The following TRIM49 variants were observed in gnomAD, a reference collection of about 807,000 sequenced individuals.
The protein encoded by TRIM49 is tripartite motif-containing protein 49.
In TRIM49, 5 loss-of-function variants were observed where a neutral mutation model predicts 27.4. The ratio of observed to expected loss-of-function variants is 0.18; its 90% CI spans 0.10 to 0.38. The LOEUF is 0.38. Ranked by LOEUF, TRIM49 falls within the 10% of genes least tolerant of loss-of-function variation. The probability of loss-of-function intolerance (pLI) is 1.00; values close to 1 mark genes in which losing one functional copy is unlikely to be tolerated. For missense variants in TRIM49, 188 were observed against 487.5 expected, an observed-to-expected ratio of 0.39 and a Z score of 5.79; for synonymous variants, 69 against 166.0, an observed-to-expected ratio of 0.42 and a Z score of 4.49.
chr11:89,791,308 G>A, the TRIM49 span, among the ~76,000 whole-genome samples: 95 of 152,280 alleles, frequency 6.2e-4, no homozygotes, highest in Non-Finnish European at 8.7e-4. Flanking sequence ...ATACGAGTTG[G>A]AAAACACTCT....
chr11:89,800,080 A>G (rs1447181215), intron 6 of TRIM49, among the ~76,000 whole-genome samples: 2 of 150,572 alleles, frequency 1.3e-5, no homozygotes, highest in Non-Finnish European at 2.9e-5. Flanking sequence ...GGCCTTGAGA[A>G]TATTTAGAAA....
At chr11:89,776,619 T>TACA in the TRIM49 span, among the ~76,000 whole-genome samples, 1 of 150,992 alleles carries the variant, frequency 6.6e-6, no homozygotes, top group Non-Finnish European at 1.5e-5. Context: ...CAAGTATTTA[T>TACA]ACAACATTTA....
At chr11:89,791,662 G>A in the TRIM49 span, among the ~76,000 whole-genome samples, 1 of 151,758 alleles carries the variant, frequency 6.6e-6, no homozygotes, top group African/African-American at 2.4e-5. Context: ...AAGTGAAGGA[G>A]AAATAAACTC....
intron 1 of TRIM49, among the ~76,000 whole-genome samples, chr11:89,807,614 C>A (rs1166001267): frequency 6.6e-6 from 1 of 150,842 alleles, no homozygotes; most frequent in African/African-American, 2.5e-5. Flanking sequence ...TAGCTCCCTG[C>A]AGCCTTGAAT....
In TRIM49 at chr11:89,799,675, T is replaced by A. The variant is rs200000436; in HGVS notation, c.859+41A>T. ...ACCTATGTGATCCTAACAATAATAA[T>A]ATTTAGATAGTGGGAGTGCTGCCTG... On this transcript the variant is annotated intron_variant, in intron 7 of 7. Coordinates refer to ENST00000329758, the MANE Select transcript of TRIM49 (RefSeq NM_020358.2). 1,904 of 728,726 alleles carry A rather than the reference T, an allele frequency of 2.6e-3. 55 individuals carry two copies. In the East Asian group the frequency reaches 0.049, roughly 19 times the overall value. 45.1% of individuals were successfully genotyped at this position (728,726 alleles called of 1,614,324 possible).
the TRIM49 span, among the ~76,000 whole-genome samples, chr11:89,791,092 G>C: frequency 6.6e-6 from 1 of 150,470 alleles, no homozygotes; most frequent in Non-Finnish European, 1.5e-5. Context: ...AGAACTACGT[G>C]ATGAATGCAC....
the TRIM49 span, chr11:89,789,584 AC>A: frequency 6.6e-6 from 1 of 150,844 alleles, no homozygotes; most frequent in African/African-American, 2.5e-5. Context: ...GGCCTCGGTC[AC>A]CTTTAAGTGG....
At chr11:89,802,665 T>C (rs2134641590) in intron 4 of TRIM49, among the ~76,000 whole-genome samples, 2 of 151,184 alleles carry the variant, frequency 1.3e-5, no homozygotes, top group South Asian at 4.2e-4. Context: ...TCCACATATA[T>C]ATCCACACAC....
chr11:89,772,646 A>G, the TRIM49 span, among the ~76,000 whole-genome samples: 7 of 134,444 alleles, frequency 5.2e-5, 1 homozygote, highest in South Asian at 4.6e-4. Context: ...GTTTGCTTCC[A>G]TGTTGAAATG....
chr11:89,807,603 A>G (rs1352119423), intron 1 of TRIM49, among the ~76,000 whole-genome samples: 3 of 150,744 alleles, frequency 2.0e-5, no homozygotes, highest in Non-Finnish European at 4.4e-5. Flanking sequence ...TAGCATAATC[A>G]TAGCTCCCTG....
chr11:89,777,624 T>A, the TRIM49 span, among the ~76,000 whole-genome samples: 1 of 149,916 alleles, frequency 6.7e-6, no homozygotes, highest in African/African-American at 2.5e-5. Context: ...ACATATAGAA[T>A]GGAGCTGTGG....
In TRIM49 at chr11:89,802,768, C is replaced by G. The variant is rs1321838124; in HGVS notation, c.508-836G>C. On this transcript the variant is annotated intron_variant, in intron 4 of 7. Transcript: ENST00000329758. ...GACCACCCTATTTAAAACTCAAACA[C>G]TAATCTCCAGTTTCTGGCCTCTATT... Among the ~76,000 whole-genome samples the G allele has an allele frequency of 3.0e-4, 45 of 150,722 alleles. 2 individuals carry two copies. The highest frequency in any genetic ancestry group is 1.1e-3 in the African/African-American group (43 of 40,520).
At chr11:89,781,542 TTGA>T in the TRIM49 span, among the ~76,000 whole-genome samples, 2 of 146,394 alleles carry the variant, frequency 1.4e-5, no homozygotes, top group Admixed American at 1.3e-4. Context: ...TGTCTACCTG[TTGA>T]TGATCTTAAA....
chr11:89,793,844 T>C (rs546811719), downstream of TRIM49, among the ~76,000 whole-genome samples: 1 of 152,086 alleles, frequency 6.6e-6, no homozygotes, highest in Middle Eastern at 3.4e-3. Flanking sequence ...GGGATACTCT[T>C]TCTCACCTCT....
At chr11:89,787,974 G>A in the TRIM49 span, 2 of 272,110 alleles carry the variant, frequency 7.3e-6, no homozygotes, top group South Asian at 6.4e-5. Context: ...GGAAGGGGCT[G>A]GGGGAGCCAC....
chr11:89,783,801 A>C, the TRIM49 span, among the ~76,000 whole-genome samples: 16,414 of 139,142 alleles, frequency 0.12, 154 homozygotes, highest in East Asian at 0.28. Flanking sequence ...CAAAGACCAC[A>C]AATTTGAAAT....
rs570939209 is a variant in TRIM49, at chr11:89,807,146, T to C, written c.-52A>G. On this transcript the variant is annotated 5_prime_UTR_variant, in exon 2 of 8. Transcript: ENST00000329758. ...CCACAACGATTTTTCCAAAAATAAT[T>C]TTGTTAAGTTCACCTCAAGATCAGA... 1.3e-5 allele frequency: 2 copies of C among 153,042 alleles called. No homozygotes were observed. The highest frequency in any genetic ancestry group is 2.4e-5 in the African/African-American group (1 of 41,016). The allele number at this position is 153,042 out of a possible 1,614,324, so 9.5% of individuals were successfully genotyped here.
chr11:89,785,863 G>C, the TRIM49 span: 1 of 144,594 alleles, frequency 6.9e-6, no homozygotes, highest in Admixed American at 6.7e-5. Context: ...GCTTCTCTGG[G>C]GTCTCAGTAG....
chr11:89,795,843 A>G (rs1323631602), downstream of TRIM49, among the ~76,000 whole-genome samples: 5 of 151,682 alleles, frequency 3.3e-5, no homozygotes, highest in African/African-American at 7.3e-5. Flanking sequence ...TATGTAACAA[A>G]TCTGCACGTT....
Sources: allele counts gnomAD v4.1 joint callset (sites outside exome capture counted in the v4.1 genomes callset), GRCh38; gene constraint gnomAD v4.1.1; transcripts MANE v1.5; gene names NCBI Gene and HGNC (gene_info 2026-07-23, HGNC 2026-07-21).